The following NCOR1 variants were observed in gnomAD, a reference collection of about 807,000 sequenced individuals.
The protein encoded by NCOR1 is protein phosphatase 1, regulatory subunit 109.
A neutral mutation model predicts 288.1 loss-of-function variants in NCOR1; 63 were observed. The ratio of observed to expected loss-of-function variants is 0.22; its 90% CI spans 0.18 to 0.27. The LOEUF is 0.27. Among genes scored for constraint, NCOR1 ranks in the 10% least tolerant of loss-of-function variants. The pLI is 1.00. For synonymous variants in NCOR1, 1,007 were observed against 1,065.9 expected (o/e 0.94, Z 1.08); for missense variants, 2,397 against 3,019.2 (o/e 0.79, Z 4.83).
chr17:16,052,798 A>G (rs1230451419), intron 40 of NCOR1, among the ~76,000 whole-genome samples: 3 of 152,220 alleles, frequency 2.0e-5, no homozygotes, highest in Admixed American at 1.3e-4. Flanking sequence ...CAACAATAAA[A>G]AGAAAACTTC....
chr17:16,077,145 C>T (rs576453999), intron 26 of NCOR1, among the ~76,000 whole-genome samples: 5 of 152,088 alleles, frequency 3.3e-5, no homozygotes, highest in Non-Finnish European at 7.4e-5. Context: ...GCCTGTAATC[C>T]CAGCACTGTG....
chr17:16,080,071 AC>A lies in NCOR1; in HGVS notation c.3401-8del, dbSNP rs771736288. ...TGTATGGCTCCTGCGGTACCTGAATACAAACAAAGCTATTAGCAAATTACAC... is the reference window on the plus strand; with the variant it reads ...TGTATGGCTCCTGCGGTACCTGAATAAAACAAAGCTATTAGCAAATTACAC... On this transcript the variant is annotated splice_polypyrimidine_tract_variant and splice_region_variant and intron_variant, in intron 25 of 45. Transcript: ENST00000268712. 10 of 1,612,128 alleles carry A rather than the reference AC, an allele frequency of 6.2e-6. No individual in the cohort carries two copies. The highest frequency in any genetic ancestry group is 8.5e-6 in the Non-Finnish European group (10 of 1,178,346).
Position 16,057,943 on chromosome 17 carries a change from C to G in NCOR1, c.6132G>C (p.Arg2044Ser). ...SQAEGMGQVP[R>S]THRLITLADH... ...CAGCAAGTGTGATCAGCCGATGGGT[C>G]CTGGGCACTTGCCCCATTCCCTCTG... Residue 2044 changes from arginine (R) to serine (S), a missense_variant, in exon 39 of 46, where the codon AGG becomes AGC. By Grantham distance (110) the Arg-to-Ser change is moderately radical. Coordinates refer to ENST00000268712, the MANE Select transcript of NCOR1 (RefSeq NM_006311.4). 1.2e-6 allele frequency: 2 copies of G among 1,614,118 alleles called. No homozygotes were observed. Among genetic ancestry groups the G allele is most frequent in the Non-Finnish European group, 1.7e-6 (2 of 1,180,006 alleles).
chr17:16,058,320 G>T, intron 38 of NCOR1, 151 bp downstream of exon 38: 1 of 1,037,042 alleles, frequency 9.6e-7, no homozygotes, highest in Non-Finnish European at 1.4e-6. Context: ...AAATAAAAAA[G>T]AATCGATTGC....
chr17:16,127,665 A>G (rs1261442577), intron 14 of NCOR1, among the ~76,000 whole-genome samples: 1 of 145,228 alleles, frequency 6.9e-6, no homozygotes, highest in Admixed American at 6.8e-5. Flanking sequence ...ATATACATAT[A>G]TGTATATATG....
intron 40 of NCOR1, among the ~76,000 whole-genome samples, chr17:16,053,826 G>C (rs1263047317): frequency 6.6e-6 from 1 of 152,070 alleles, no homozygotes; most frequent in Non-Finnish European, 1.5e-5. Flanking sequence ...AAACAGCATT[G>C]TATTGGTACA....
intron 44 of NCOR1, 142 bp from the exon 45 acceptor site, chr17:16,035,086 A>G: frequency 1.3e-6 from 1 of 771,010 alleles, no homozygotes. Flanking sequence ...ATGAAATAAA[A>G]TACTACAGGC....
intron 3 of NCOR1, among the ~76,000 whole-genome samples, chr17:16,185,583 T>G (rs1445005896): frequency 7.0e-6 from 1 of 142,274 alleles, no homozygotes; most frequent in Admixed American, 7.8e-5. Flanking sequence ...TTTAGGAGGC[T>G]GAGGCATGAG....
Position 16,070,349 on chromosome 17 carries a change from G to T in NCOR1, c.4329C>A (p.Thr1443=), listed in dbSNP as rs138703984. The T allele has an allele frequency of 6.2e-7, 1 of 1,614,114 alleles. No individual in the cohort carries two copies. The highest frequency in any genetic ancestry group is 1.1e-5 in the South Asian group (1 of 91,078). Residue 1443 remains threonine, a synonymous_variant, in exon 31 of 46, where the codon ACC becomes ACA. Coordinates refer to ENST00000268712, the MANE Select transcript of NCOR1 (RefSeq NM_006311.4). ...CCACTGACGTGTGCCGGGAACGCAC[G>T]GTCTCGCCTGCTTTCACATCCTCAT... ...GKYEDVKAGE[T]VRSRHTSVVS...
In NCOR1 at chr17:16,117,987, T is replaced by G; in HGVS notation, c.1956A>C (p.Lys652Asn). Reference sequence around the variant, plus strand: ...GAGCTTCACTTTTCGTTCCCACCATTTTAGCAATTGCTGCCCAGTTACGAC... The same window carrying G: ...GAGCTTCACTTTTCGTTCCCACCATGTTAGCAATTGCTGCCCAGTTACGAC... ...EHGRNWAAIA[K>N]MVGTKSEAQC... The change falls in exon 18 of 46, where the codon AAA (lysine) becomes AAC (asparagine). Residue 652 changes from lysine to asparagine, a missense_variant. This residue lies in a region of NCOR1 where 24 missense variants were observed against 84.3 expected (regional missense o/e 0.28). Coordinates refer to ENST00000268712, the MANE Select transcript of NCOR1 (RefSeq NM_006311.4). The G allele has an allele frequency of 6.2e-7, 1 of 1,614,078 alleles. No individual in the cohort carries two copies. Among genetic ancestry groups the G allele is most frequent in the Non-Finnish European group, 8.5e-7 (1 of 1,179,994 alleles).
Position 16,064,120 on chromosome 17 carries a change from C to G in NCOR1, c.5169G>C (p.Glu1723Asp), listed in dbSNP as rs1297873698. Reference protein sequence around the residue: ...EREREREREKERERERIAAAS... With the variant: ...EREREREREKDRERERIAAAS... ...CTGCAGCAATCCGTTCCCGCTCCCG[C>G]TCCTTCTCCCGCTCCCGTTCCCGTT... Residue 1723 changes from glutamate (E) to aspartate (D), a missense_variant, in exon 35 of 46, where the codon GAG becomes GAC. By Grantham distance (45) the Glu-to-Asp change is conservative. Around this residue, in one of 11 missense-constraint regions of NCOR1, gnomAD observed 1,872 missense variants for 2,187.8 expected, o/e 0.86. Coordinates refer to ENST00000268712, the MANE Select transcript of NCOR1 (RefSeq NM_006311.4). 2 of 1,614,134 alleles carry G rather than the reference C, an allele frequency of 1.2e-6. No homozygotes were observed. The highest frequency in any genetic ancestry group is 1.7e-6 in the Non-Finnish European group (2 of 1,180,012).
intron 16 of NCOR1, 22 bp downstream of exon 16, chr17:16,121,030 T>C: frequency 6.2e-7 from 1 of 1,603,816 alleles, no homozygotes; most frequent in East Asian, 2.2e-5. Context: ...ATGGCCTGTT[T>C]ATGCCAATTG....
chr17:16,199,216 A>ACAC lies in NCOR1; in HGVS notation c.-70-4578_-70-4577insGTG, dbSNP rs1555813813. Among the ~76,000 whole-genome samples the ACAC allele has an allele frequency of 3.0e-3, 371 of 122,304 alleles. 2 individuals carry two copies. The highest frequency in any genetic ancestry group is 0.011 in the African/African-American group (340 of 30,694). 80.2% of individuals were successfully genotyped at this position (122,304 alleles called of 152,430 possible). A position where few individuals can be genotyped will look rare whatever the true frequency, so the allele number is the denominator to read the frequency against. ...CCCAATACAGAAGGAAAAAAAAAAA[A>ACAC]ACACACACACACACACACACACACA... On this transcript the variant is annotated intron_variant, in intron 1 of 45. Transcript: ENST00000268712.
At chr17:16,204,958 C>G (rs1218053621) in intron 1 of NCOR1, among the ~76,000 whole-genome samples, 3 of 152,208 alleles carry the variant, frequency 2.0e-5, no homozygotes, top group African/African-American at 7.2e-5. Flanking sequence ...CGTTGGCTCA[C>G]GCCTGTGATC....
chr17:16,206,003 T>A (rs1423386322), intron 1 of NCOR1, among the ~76,000 whole-genome samples: 1 of 150,812 alleles, frequency 6.6e-6, no homozygotes, highest in Non-Finnish European at 1.5e-5. Context: ...TTAGCCTCAA[T>A]CTTGATGGAT....
At chr17:16,206,212 C>A (rs2091482107) in intron 1 of NCOR1, among the ~76,000 whole-genome samples, 1 of 151,866 alleles carries the variant, frequency 6.6e-6, no homozygotes, top group South Asian at 2.1e-4. Flanking sequence ...GATTCAGCAA[C>A]TCCACTTCTA....
At chr17:16,177,412 T>TCCTGACCTCAGGTG (rs1276023894) in intron 3 of NCOR1, among the ~76,000 whole-genome samples, 1 of 150,568 alleles carries the variant, frequency 6.6e-6, no homozygotes, top group African/African-American at 2.5e-5. Flanking sequence ...TTTCCAGGAA[T>TCCTGACCTCAGGTG]ATATTCGCCT....
chr17:16,196,884 G>C (rs1315154849), intron 1 of NCOR1, among the ~76,000 whole-genome samples: 1 of 151,762 alleles, frequency 6.6e-6, no homozygotes, highest in East Asian at 1.9e-4. Flanking sequence ...AGGCATGGCG[G>C]TACACACCCA....
intron 8 of NCOR1, among the ~76,000 whole-genome samples, chr17:16,151,210 T>TA (rs201299273): frequency 0.041 from 6,189 of 150,654 alleles, 197 homozygotes; most frequent in African/African-American, 0.083. Flanking sequence ...ATTTTTTTTT[T>TA]AAAAAAAAGA....
Sources: allele counts gnomAD v4.1 joint callset (sites outside exome capture counted in the v4.1 genomes callset), GRCh38; gene constraint gnomAD v4.1.1; regional missense constraint gnomAD v4.1.1; transcripts MANE v1.5; gene names NCBI Gene and HGNC (gene_info 2026-07-23, HGNC 2026-07-21).